Variants in HS6ST1 observed in about 807,000 individuals in gnomAD.
HS6ST1 encodes the protein heparan sulfate 6-O-sulfotransferase 1.
Under a neutral mutation model 25.2 loss-of-function variants are expected in HS6ST1, and 3 were observed. The observed-to-expected ratio is 0.12, with a 90% CI of 0.05 to 0.31. HS6ST1 has a LOEUF of 0.31. Among genes scored for constraint, HS6ST1 ranks in the 10% least tolerant of loss-of-function variants. The pLI is 1.00. For synonymous variants in HS6ST1, 204 were observed against 275.1 expected, an observed-to-expected ratio of 0.74 and a Z score of 2.56; for missense variants, 310 against 609.6, an observed-to-expected ratio of 0.51 and a Z score of 5.18.
At chr2:128,290,311 AAGAG>A (rs1558874470) in intron 1 of HS6ST1, 2 of 152,214 alleles carry the variant, frequency 1.3e-5, no homozygotes, top group African/African-American at 4.8e-5. Context: ...CCTCCTAGAC[AAGAG>A]TAAAGCAGTG....
At position 128,316,262 on chromosome 2, in the gene HS6ST1, G is replaced by A. The variant is rs547220009; in HGVS notation, c.527+1775C>T. On this transcript the variant is annotated intron_variant, in intron 1 of 1. Transcript: ENST00000259241. ...CCTGGTTGCAATCTAGGGCTGAGGT[G>A]GCCTCTGCTGAGCAGGCTTGTTTCA... Among the ~76,000 whole-genome samples, 3 of 152,372 alleles carry A rather than the reference G, an allele frequency of 2.0e-5. No homozygotes were observed. In the East Asian group the frequency reaches 5.8e-4, roughly 29 times the overall value.
Position 128,267,503 on chromosome 2 carries a change from G to A in HS6ST1, c.*659C>T, listed in dbSNP as rs1200755341. ...TGGGTGGGGCCTGAACATCAGCTTT[G>A]GCCTCCTGACCCAAAGCATGAAGCA... On this transcript the variant is annotated 3_prime_UTR_variant, in exon 2 of 2. Coordinates refer to ENST00000259241, the MANE Select transcript of HS6ST1 (RefSeq NM_004807.3). The A allele has an allele frequency of 6.5e-6, 1 of 153,722 alleles. No homozygotes were observed. Among genetic ancestry groups the A allele is most frequent in the Non-Finnish European group, 1.4e-5 (1 of 69,066 alleles). 9.5% of individuals were successfully genotyped at this position (153,722 alleles called of 1,614,324 possible).
intron 1 of HS6ST1, among the ~76,000 whole-genome samples, chr2:128,270,316 G>A (rs1459441358): frequency 6.6e-6 from 1 of 152,200 alleles, no homozygotes; most frequent in Non-Finnish European, 1.5e-5. Context: ...GGTCTCCAGG[G>A]GGCAGATAAG....
chr2:128,303,147 C>T (rs551056161), intron 1 of HS6ST1, among the ~76,000 whole-genome samples: 41 of 152,356 alleles, frequency 2.7e-4, no homozygotes, highest in African/African-American at 9.6e-4. Context: ...TGCCCAAGGG[C>T]GAGGCACACA....
chr2:128,281,362 CAA>C (rs1693783227), intron 1 of HS6ST1, among the ~76,000 whole-genome samples: 1 of 152,192 alleles, frequency 6.6e-6, no homozygotes, highest in African/African-American at 2.4e-5. Flanking sequence ...ATGTGGCCCT[CAA>C]GAGAGAGGCT....
intron 1 of HS6ST1, among the ~76,000 whole-genome samples, chr2:128,307,566 T>C (rs182926213): frequency 6.6e-6 from 1 of 152,216 alleles, no homozygotes; most frequent in Admixed American, 6.5e-5. Context: ...AAAGAACGCT[T>C]ACGAACCAAT....
intron 1 of HS6ST1, among the ~76,000 whole-genome samples, chr2:128,300,842 G>A (rs564221111): frequency 1.3e-5 from 2 of 152,328 alleles, no homozygotes; most frequent in East Asian, 3.9e-4. Flanking sequence ...CTCCAGAGCA[G>A]CTAGCCCCAC....
chr2:128,278,018 A>G (rs1261957565), intron 1 of HS6ST1, among the ~76,000 whole-genome samples: 2 of 152,282 alleles, frequency 1.3e-5, no homozygotes, highest in African/African-American at 4.8e-5. Context: ...TCTAAAGTCC[A>G]GAGTCTGGAT....
At position 128,268,139 on chromosome 2, in the gene HS6ST1, C is replaced by A; in HGVS notation, c.*23G>T. 1 of 1,547,526 alleles carries A rather than the reference C, an allele frequency of 6.5e-7. No individual in the cohort carries two copies. The highest frequency in any genetic ancestry group is 8.8e-7 in the Non-Finnish European group (1 of 1,133,940). ...TTTATCCCCCACACCCCCCAAGAGGCCTCCCCGTGGCCACCACCGCCACTA... is the reference window on the plus strand; with the variant it reads ...TTTATCCCCCACACCCCCCAAGAGGACTCCCCGTGGCCACCACCGCCACTA... On this transcript the variant is annotated 3_prime_UTR_variant, in exon 2 of 2. Transcript: ENST00000259241.
intron 1 of HS6ST1, among the ~76,000 whole-genome samples, chr2:128,303,539 G>C (rs1168869392): frequency 6.6e-6 from 1 of 152,226 alleles, no homozygotes; most frequent in Non-Finnish European, 1.5e-5. Flanking sequence ...ACCTGCACAC[G>C]CACCTGTCTG....
intron 1 of HS6ST1, among the ~76,000 whole-genome samples, chr2:128,306,665 G>A (rs542391176): frequency 6.6e-6 from 1 of 152,190 alleles, no homozygotes; most frequent in African/African-American, 2.4e-5. Context: ...TGGGGGCATG[G>A]CAGCAGGGGT....
At chr2:128,277,579 T>C (rs1693715564) in intron 1 of HS6ST1, among the ~76,000 whole-genome samples, 1 of 152,204 alleles carries the variant, frequency 6.6e-6, no homozygotes, top group Non-Finnish European at 1.5e-5. Context: ...CTCTCACAAG[T>C]AGCGGGAGGG....
chr2:128,270,711 C>T (rs1693597797), intron 1 of HS6ST1, among the ~76,000 whole-genome samples: 1 of 152,210 alleles, frequency 6.6e-6, no homozygotes, highest in Non-Finnish European at 1.5e-5. Context: ...GACCTCCGCT[C>T]CCCACTCCTG....
chr2:128,285,331 C>T (rs1345792909), intron 1 of HS6ST1, among the ~76,000 whole-genome samples: 1 of 152,180 alleles, frequency 6.6e-6, no homozygotes, highest in Non-Finnish European at 1.5e-5. Flanking sequence ...GCGCACCCCA[C>T]TCCCTACGTG....
intron 1 of HS6ST1, among the ~76,000 whole-genome samples, chr2:128,290,865 C>T (rs992016940): frequency 1.4e-4 from 20 of 145,594 alleles, no homozygotes; most frequent in African/African-American, 4.9e-4. Flanking sequence ...CATGATGGCA[C>T]GCACCTATAA....
chr2:128,270,902 G>C (rs116873527), intron 1 of HS6ST1, among the ~76,000 whole-genome samples: 2 of 152,224 alleles, frequency 1.3e-5, no homozygotes, highest in African/African-American at 4.8e-5. Context: ...GCAAGGACAC[G>C]CTGTGCACAG....
At position 128,306,505 on chromosome 2, in the gene HS6ST1, C is replaced by T. The variant is rs956085425; in HGVS notation, c.527+11532G>A. On this transcript the variant is annotated intron_variant, in intron 1 of 1. Coordinates refer to ENST00000259241, the MANE Select transcript of HS6ST1 (RefSeq NM_004807.3). ...TGCTCTAGAGAGGTAAATATTTACACAGGAGCCTCTAAAGCTCATAACTCA... is the reference window on the plus strand; with the variant it reads ...TGCTCTAGAGAGGTAAATATTTACATAGGAGCCTCTAAAGCTCATAACTCA... Among the ~76,000 whole-genome samples the T allele has an allele frequency of 9.8e-5, 15 of 152,352 alleles. 1 individual carries two copies. Among genetic ancestry groups the T allele is most frequent in the African/African-American group, 3.1e-4 (13 of 41,578 alleles).
intron 1 of HS6ST1, among the ~76,000 whole-genome samples, chr2:128,293,639 A>G (rs1255739187): frequency 2.0e-5 from 3 of 152,192 alleles, no homozygotes; most frequent in Non-Finnish European, 4.4e-5. Context: ...GCCCGGAGTC[A>G]GAGGAGGAAC....
intron 1 of HS6ST1, among the ~76,000 whole-genome samples, chr2:128,277,406 C>T (rs767784102): frequency 1.3e-5 from 2 of 152,252 alleles, no homozygotes; most frequent in Non-Finnish European, 2.9e-5. Context: ...GAATGGGGCA[C>T]ACACTGGTCA....
Sources: allele counts gnomAD v4.1 joint callset (sites outside exome capture counted in the v4.1 genomes callset), GRCh38; gene constraint gnomAD v4.1.1; transcripts MANE v1.5; gene names NCBI Gene and HGNC (gene_info 2026-07-23, HGNC 2026-07-21).